The following FAM3D variants were observed in gnomAD, a reference collection of about 807,000 sequenced individuals.
FAM3D encodes the protein protein FAM3D.
FAM3D carries 26 observed loss-of-function variants against 29.8 expected under a neutral mutation model. The ratio of observed to expected loss-of-function variants is 0.87; its 90% CI spans 0.64 to 1.21. The LOEUF (loss-of-function observed/expected upper bound fraction) is 1.21, where lower values mean the gene tolerates loss of function less well. FAM3D is among the 50% of genes most tolerant of loss of function. FAM3D has a pLI of 0.00. For synonymous variants in FAM3D, 115 were observed against 102.3 expected (o/e 1.12, Z -0.75); for missense variants, 253 against 290.9 (o/e 0.87, Z 0.95).
chr3:58,639,415 G>A (rs1348845981), intron 7 of FAM3D, among the ~76,000 whole-genome samples: 1 of 152,218 alleles, frequency 6.6e-6, no homozygotes. Context: ...AGTAGTCTCT[G>A]ACACCGGAGA....
chr3:58,634,412 TG>T lies in FAM3D; in HGVS notation c.586-45del. ...GAGAAATATAGGCAGTGAGTGAGGC[TG>T]TTCAGAACTCATGCCCACATGGACA... On this transcript the variant is annotated intron_variant, in intron 9 of 9. Coordinates refer to ENST00000358781, the MANE Select transcript of FAM3D (RefSeq NM_138805.3). This position sits in a 1 kb window ranked among gnomAD's most constrained non-coding sequence, Gnocchi z 4.6. 6.4e-7 allele frequency: 1 copy of T among 1,558,472 alleles called. No individual in the cohort carries two copies. The highest frequency in any genetic ancestry group is 8.8e-7 in the Non-Finnish European group (1 of 1,133,514).
In FAM3D at chr3:58,640,164, A is replaced by G. The variant is rs775937922; in HGVS notation, c.336T>C (p.Ala112=). ...NIALVNGTTG[A]VLGQKAFDMY... ...TGTCAAATGCCTTCTGTCCCAGCAC[A>G]GCTCCCGTGGTTCCTAGGGGTTAAG... Residue 112 remains alanine (A), a synonymous_variant, in exon 7 of 10, where the codon GCT becomes GCC. Transcript: ENST00000358781. The G allele has an allele frequency of 6.2e-7, 1 of 1,614,212 alleles. No individual in the cohort carries two copies. The highest frequency in any genetic ancestry group is 1.7e-5 in the Admixed American group (1 of 60,016).
At chr3:58,663,114 G>A (rs1031854709) in intron 1 of FAM3D, among the ~76,000 whole-genome samples, 2 of 152,220 alleles carry the variant, frequency 1.3e-5, no homozygotes, top group African/African-American at 4.8e-5. Context: ...GGCCAGGCTG[G>A]TCTCAAACTC....
intron 3 of FAM3D, 22 bp from the exon 4 acceptor site, chr3:58,649,360 G>A (rs768047676): frequency 2.3e-5 from 37 of 1,612,898 alleles, no homozygotes; most frequent in Non-Finnish European, 3.0e-5. Flanking sequence ...ACAGAATCTG[G>A]TTAGAGGAAA....
chr3:58,663,742 C>G (rs1039548430), intron 1 of FAM3D, among the ~76,000 whole-genome samples: 2 of 152,176 alleles, frequency 1.3e-5, no homozygotes, highest in South Asian at 4.1e-4. Flanking sequence ...TCATTTTCAC[C>G]AGAACATTCC....
At chr3:58,645,995 C>A (rs891581175) in intron 4 of FAM3D, among the ~76,000 whole-genome samples, 1 of 152,150 alleles carries the variant, frequency 6.6e-6, no homozygotes, top group Non-Finnish European at 1.5e-5. Flanking sequence ...CCCCAGAGGC[C>A]CCTGTTGAGA....
intron 7 of FAM3D, among the ~76,000 whole-genome samples, chr3:58,638,146 A>C (rs2066228241): frequency 6.6e-6 from 1 of 152,172 alleles, no homozygotes; most frequent in Admixed American, 6.5e-5. Context: ...GACCTCCCAA[A>C]GTGCTGGGAT....
intron 7 of FAM3D, among the ~76,000 whole-genome samples, chr3:58,637,595 CATACCCCAGACCCCATTCTACGCTGGACA>C (rs1484522255): frequency 6.6e-6 from 1 of 152,168 alleles, no homozygotes; most frequent in African/African-American, 2.4e-5. Flanking sequence ...GGGCCCTTTG[CATACCCCAGACCCCATTCTACGCTGGACA>C]ATGCCCAGAT....
intron 1 of FAM3D, chr3:58,657,886 C>T (rs2066854784): frequency 6.6e-6 from 1 of 152,202 alleles, no homozygotes; most frequent in Non-Finnish European, 1.5e-5. Context: ...TGGAGATTGT[C>T]CCAACCTGTT....
rs118102313 is a variant in FAM3D, at chr3:58,646,748, C to G, written c.146-1122G>C. 2.1e-4 allele frequency among the ~76,000 whole-genome samples: 32 copies of G among 152,350 alleles called. No homozygotes were observed. In the East Asian group the frequency reaches 6.2e-3, roughly 29 times the overall value. Reference sequence around the variant, plus strand: ...GCTCCTTAAGGAAGCTTGCACATGCCAAGACCTTGCTGCATGCAAGGCACT... The same window carrying G: ...GCTCCTTAAGGAAGCTTGCACATGCGAAGACCTTGCTGCATGCAAGGCACT... On this transcript the variant is annotated intron_variant, in intron 4 of 9. Transcript: ENST00000358781.
At position 58,645,678 on chromosome 3, in the gene FAM3D, G is replaced by C. The variant is rs752433761; in HGVS notation, c.146-52C>G. ...TGGGCAGAAGCTCAGGAGGTACTTG[G>C]GGGAGAAGGAGGGGAGGGCCAGGGC... On this transcript the variant is annotated intron_variant, in intron 4 of 9. Coordinates refer to ENST00000358781, the MANE Select transcript of FAM3D (RefSeq NM_138805.3). 12 of 1,519,016 alleles carry C rather than the reference G, an allele frequency of 7.9e-6. No individual in the cohort carries two copies. In the East Asian group the frequency reaches 1.4e-4, roughly 17 times the overall value. 94.1% of individuals were successfully genotyped at this position (1,519,016 alleles called of 1,614,324 possible). A position where few individuals can be genotyped will look rare whatever the true frequency, so the allele number is the denominator to read the frequency against.
intron 1 of FAM3D, 23 bp from the exon 2 acceptor site, chr3:58,655,624 T>G (rs1490464158): frequency 6.3e-7 from 1 of 1,595,746 alleles, no homozygotes; most frequent in African/African-American, 1.3e-5. Context: ...GAAAATCCAG[T>G]CGGAAACTGG....
intron 6 of FAM3D, among the ~76,000 whole-genome samples, chr3:58,640,730 G>T (rs1311052970): frequency 6.6e-6 from 1 of 152,270 alleles, no homozygotes; most frequent in Non-Finnish European, 1.5e-5. Context: ...TGTGGGAGGA[G>T]GTGGCCGAAG....
At chr3:58,646,185 T>G (rs1385846398) in intron 4 of FAM3D, among the ~76,000 whole-genome samples, 1 of 152,252 alleles carries the variant, frequency 6.6e-6, no homozygotes, top group Non-Finnish European at 1.5e-5. Context: ...ACACATTGGC[T>G]ATTCTTCTCA....
intron 6 of FAM3D, among the ~76,000 whole-genome samples, chr3:58,642,504 G>A (rs1194484910): frequency 3.3e-5 from 5 of 152,218 alleles, no homozygotes; most frequent in South Asian, 2.1e-4. Flanking sequence ...TGTCCCAGAA[G>A]TGGCCCTTAC....
In FAM3D at chr3:58,660,600, T is replaced by G. The variant is rs1198586334; in HGVS notation, c.-38-4999A>C. Among the ~76,000 whole-genome samples, 3 of 152,244 alleles carry G rather than the reference T, an allele frequency of 2.0e-5. No individual in the cohort carries two copies. In the East Asian group the frequency reaches 5.8e-4, roughly 29 times the overall value. ...GGAAAGAAGCCCATTATTCCCATTA[T>G]GCCCTGTTTTAATTTTATTTATTGG... On this transcript the variant is annotated intron_variant, in intron 1 of 9. Transcript: ENST00000358781.
chr3:58,656,479 G>A (rs2066803993), intron 1 of FAM3D, among the ~76,000 whole-genome samples: 1 of 152,076 alleles, frequency 6.6e-6, no homozygotes, highest in African/African-American at 2.4e-5. Context: ...ATTCAGTTCT[G>A]AGCAGGGCAG....
At chr3:58,655,192 T>C (rs1421808791) in intron 2 of FAM3D, among the ~76,000 whole-genome samples, 1 of 152,188 alleles carries the variant, frequency 6.6e-6, no homozygotes, top group Non-Finnish European at 1.5e-5. Flanking sequence ...GGATACAGTA[T>C]GAGGGTGTGG....
chr3:58,662,823 A>G (rs1282119311), intron 1 of FAM3D, among the ~76,000 whole-genome samples: 3 of 152,182 alleles, frequency 2.0e-5, no homozygotes, highest in Admixed American at 6.5e-5. Flanking sequence ...GCAGATGAGT[A>G]TGATCTATCT....
Sources: allele counts gnomAD v4.1 joint callset (sites outside exome capture counted in the v4.1 genomes callset), GRCh38; gene constraint gnomAD v4.1.1; non-coding constraint Gnocchi (gnomAD v3.1); transcripts MANE v1.5; gene names NCBI Gene and HGNC (gene_info 2026-07-23, HGNC 2026-07-21).